AGPS: variants seen among roughly 807,000 people sequenced by gnomAD.
AGPS encodes the protein alkyldihydroxyacetonephosphate synthase, peroxisomal.
A neutral mutation model predicts 90.7 loss-of-function variants in AGPS; 26 were observed. The ratio of observed to expected loss-of-function variants is 0.29; its 90% CI spans 0.21 to 0.40. The LOEUF (loss-of-function observed/expected upper bound fraction) is 0.40, where lower values mean the gene tolerates loss of function less well. Among genes scored for constraint, AGPS ranks in the 10% least tolerant of loss-of-function variants. The pLI is 1.00. For missense variants in AGPS, 540 were observed against 816.1 expected (o/e 0.66, Z 4.12); for synonymous variants, 294 against 285.3 (o/e 1.03, Z -0.31).
intron 1 of AGPS, among the ~76,000 whole-genome samples, chr2:177,393,708 GT>G (rs1322321661): frequency 7.3e-5 from 11 of 151,340 alleles, no homozygotes; most frequent in African/African-American, 2.4e-4. Context: ...GATGAGGGAT[GT>G]TTGTAAGAGA....
At chr2:177,462,358 ACTC>A (rs1327388196) in intron 9 of AGPS, among the ~76,000 whole-genome samples, 1 of 140,558 alleles carries the variant, frequency 7.1e-6, no homozygotes, top group Non-Finnish European at 1.5e-5. Context: ...GTGCCACTGC[ACTC>A]CAGCCTGGGC....
In AGPS at chr2:177,396,603, TAGATCAGTTAGAGG is replaced by T. The variant is rs1419130121; in HGVS notation, c.260+3571_260+3584del. On this transcript the variant is annotated intron_variant, in intron 1 of 19. Transcript: ENST00000264167. ...GATTGGAGAACGGTAAGGATGGACA[TAGATCAGTTAGAGG>T]AGATCAGTTAGAGGAGGCTGTTGTA... is the stretch of plus-strand genomic sequence containing the variant. 2.6e-5 allele frequency among the ~76,000 whole-genome samples: 4 copies of T among 152,268 alleles called. 1 individual carries two copies. The highest frequency in any genetic ancestry group is 2.1e-4 in the South Asian group (1 of 4,822).
rs1009815245 is a variant in AGPS at position 177,542,510 on chromosome 2, C to A, written c.*4315C>A. On this transcript the variant is annotated 3_prime_UTR_variant, in exon 20 of 20. Transcript: ENST00000264167. The stretch of plus-strand genomic sequence containing the variant: ...TAGTTCTGTGAACATGAAAAGATTT[C>A]TTTTTTGGTTTCCAAAGGAGATTAT... The A allele has an allele frequency of 5.3e-5, 8 of 152,066 alleles. No individual in the cohort carries two copies. The highest frequency in any genetic ancestry group is 4.6e-4 in the Admixed American group (7 of 15,266). The allele number at this position is 152,066 out of a possible 1,614,324, so 9.4% of individuals were successfully genotyped here.
At chr2:177,410,478 T>G (rs1002521183) in intron 1 of AGPS, among the ~76,000 whole-genome samples, 6 of 152,220 alleles carry the variant, frequency 3.9e-5, no homozygotes, top group Admixed American at 1.3e-4. Context: ...CCCTTTTTCC[T>G]TCTCCTAATT....
At chr2:177,421,488 C>T (rs979320195) in intron 2 of AGPS, among the ~76,000 whole-genome samples, 4 of 151,620 alleles carry the variant, frequency 2.6e-5, no homozygotes, top group African/African-American at 9.7e-5. Context: ...AAAATAAAAC[C>T]TCAGGAATAG....
At chr2:177,455,055 A>G (rs1048905301) in intron 8 of AGPS, among the ~76,000 whole-genome samples, 1 of 152,054 alleles carries the variant, frequency 6.6e-6, no homozygotes, top group Non-Finnish European at 1.5e-5. Context: ...GGGTGGCCCA[A>G]GACAATTCTT....
At chr2:177,447,350 C>G (rs1574375002) in intron 8 of AGPS, among the ~76,000 whole-genome samples, 1 of 151,746 alleles carries the variant, frequency 6.6e-6, no homozygotes, top group East Asian at 1.9e-4. Context: ...GTTAAAGATC[C>G]TCAATAAATT....
In AGPS at chr2:177,471,353, C is replaced by T. The variant is rs570348406; in HGVS notation, c.1105+2829C>T. On this transcript the variant is annotated intron_variant, in intron 10 of 19. Transcript: ENST00000264167. ...TTTCTCCATCCGACTAAGCTCTATACGTGATTAACCATATTAAGTTTAATG... is the reference window on the plus strand; with the variant it reads ...TTTCTCCATCCGACTAAGCTCTATATGTGATTAACCATATTAAGTTTAATG... Among the ~76,000 whole-genome samples, 9 of 152,140 alleles carry T rather than the reference C, an allele frequency of 5.9e-5. No individual in the cohort carries two copies. In the South Asian group the frequency reaches 6.2e-4, roughly 11 times the overall value.
At chr2:177,483,664 G>A (rs572092784) in intron 11 of AGPS, among the ~76,000 whole-genome samples, 2 of 152,234 alleles carry the variant, frequency 1.3e-5, no homozygotes, top group African/African-American at 4.8e-5. Flanking sequence ...AGAACTTTGG[G>A]AATACGATAT....
At chr2:177,466,049 C>T (rs547782050) in intron 9 of AGPS, among the ~76,000 whole-genome samples, 2 of 152,322 alleles carry the variant, frequency 1.3e-5, no homozygotes, top group South Asian at 4.1e-4. Context: ...TATTGGGTAG[C>T]TCCTTTCCGC....
intron 1 of AGPS, among the ~76,000 whole-genome samples, chr2:177,396,382 C>T (rs937048041): frequency 1.3e-5 from 2 of 152,090 alleles, no homozygotes; most frequent in South Asian, 4.1e-4. Context: ...CCCTATGGAA[C>T]TTATATTCTA....
At chr2:177,396,745 C>T (rs1685187856) in intron 1 of AGPS, among the ~76,000 whole-genome samples, 1 of 152,018 alleles carries the variant, frequency 6.6e-6, no homozygotes, top group African/African-American at 2.4e-5. Flanking sequence ...TTAGGTGACA[C>T]CATTAAAGTT....
At chr2:177,458,899 G>A (rs553849670) in intron 8 of AGPS, among the ~76,000 whole-genome samples, 2 of 152,290 alleles carry the variant, frequency 1.3e-5, no homozygotes, top group Non-Finnish European at 2.9e-5. Flanking sequence ...AAAGCTGGAG[G>A]CATCATGCTA....
chr2:177,514,003 T>C (rs1231713999), intron 17 of AGPS, 95 bp downstream of exon 17: 5 of 924,260 alleles, frequency 5.4e-6, no homozygotes, highest in Non-Finnish European at 8.7e-6. Context: ...GAGAAAAAGC[T>C]TCAGTCTATT....
intron 15 of AGPS, among the ~76,000 whole-genome samples, chr2:177,506,376 T>C (rs1688712423): frequency 6.6e-6 from 1 of 151,810 alleles, no homozygotes; most frequent in African/African-American, 2.4e-5. Flanking sequence ...ATAATAAATA[T>C]ACATATTTTC....
intron 1 of AGPS, among the ~76,000 whole-genome samples, chr2:177,398,835 G>T (rs200701348): frequency 1.3e-5 from 2 of 152,196 alleles, no homozygotes; most frequent in East Asian, 3.8e-4. Flanking sequence ...TGTGGAAGAA[G>T]ACAGTGTTTG....
chr2:177,496,586 TTTG>T (rs1270229316), intron 12 of AGPS, among the ~76,000 whole-genome samples: 1 of 152,154 alleles, frequency 6.6e-6, no homozygotes, highest in Non-Finnish European at 1.5e-5. Flanking sequence ...AGTTTGTTTC[TTTG>T]TTGTTGTTTT....
chr2:177,420,708 GTTTA>G (rs1331731414), intron 2 of AGPS, among the ~76,000 whole-genome samples: 1 of 151,640 alleles, frequency 6.6e-6, no homozygotes, highest in African/African-American at 2.4e-5. Flanking sequence ...TTTATAGGTA[GTTTA>G]TTTGTGTCAG....
chr2:177,413,550 A>G (rs991966086), intron 1 of AGPS, among the ~76,000 whole-genome samples: 1 of 152,196 alleles, frequency 6.6e-6, no homozygotes, highest in African/African-American at 2.4e-5. Context: ...CAAAATTGCC[A>G]TATTGGGTAG....
Sources: allele counts gnomAD v4.1 joint callset (sites outside exome capture counted in the v4.1 genomes callset), GRCh38; gene constraint gnomAD v4.1.1; transcripts MANE v1.5; gene names NCBI Gene and HGNC (gene_info 2026-07-23, HGNC 2026-07-21).